The following DAB1 variants were observed in gnomAD, a reference collection of about 807,000 sequenced individuals.
The protein encoded by DAB1 is disabled homolog 1.
In DAB1, 15 loss-of-function variants were observed where a neutral mutation model predicts 64.6. The observed-to-expected ratio is 0.23, with a 90% CI of 0.16 to 0.36. The LOEUF (loss-of-function observed/expected upper bound fraction) is 0.36, where lower values mean the gene tolerates loss of function less well. Among genes scored for constraint, DAB1 ranks in the 10% least tolerant of loss-of-function variants. The pLI is 1.00. For synonymous variants in DAB1, 235 were observed against 251.9 expected (o/e 0.93, Z 0.64); for missense variants, 596 against 706.7 (o/e 0.84, Z 1.78).
intron 2 of DAB1, among the ~76,000 whole-genome samples, chr1:57,182,884 A>G (rs1663127575): frequency 6.6e-6 from 1 of 152,196 alleles, no homozygotes; most frequent in African/African-American, 2.4e-5. Context: ...ACTAGTACAT[A>G]TGGCTATTTA....
intron 7 of DAB1, among the ~76,000 whole-genome samples, chr1:57,445,600 A>C (rs1375393327): frequency 1.3e-5 from 2 of 152,222 alleles, no homozygotes; most frequent in Non-Finnish European, 2.9e-5. Flanking sequence ...ATTGTAAGAT[A>C]AAAAATTTTA....
intron 2 of DAB1, among the ~76,000 whole-genome samples, chr1:57,269,979 C>T (rs998063653): frequency 6.6e-6 from 1 of 152,162 alleles, no homozygotes; most frequent in African/African-American, 2.4e-5. Context: ...GAACAGCTTG[C>T]TAGGTGAACG....
At chr1:58,031,693 C>A (rs974310436) in intron 5 of DAB1, among the ~76,000 whole-genome samples, 13 of 152,100 alleles carry the variant, frequency 8.5e-5, no homozygotes, top group Non-Finnish European at 1.8e-4. Flanking sequence ...CAGATACATG[C>A]GAATAACAAA....
At chr1:57,179,362 C>T (rs1368118267) in intron 2 of DAB1, among the ~76,000 whole-genome samples, 2 of 152,218 alleles carry the variant, frequency 1.3e-5, no homozygotes, top group Admixed American at 1.3e-4. Context: ...CAAAGGGCTA[C>T]ATCCAAACCT....
intron 7 of DAB1, among the ~76,000 whole-genome samples, chr1:57,481,452 T>C (rs1644018055): frequency 2.0e-5 from 3 of 152,196 alleles, no homozygotes; most frequent in Non-Finnish European, 1.5e-5. Flanking sequence ...GACCCTAAAC[T>C]GTAGCAGAGA....
intron 7 of DAB1, among the ~76,000 whole-genome samples, chr1:57,474,832 T>C (rs1643914579): frequency 6.6e-6 from 1 of 152,164 alleles, no homozygotes; most frequent in South Asian, 2.1e-4. Flanking sequence ...ACATGTATTA[T>C]AGTGATGTCA....
rs899185613 is a variant in DAB1, at chr1:57,618,143, G to C, written n.625+31449C>G. Among the ~76,000 whole-genome samples, 10 of 152,242 alleles carry C rather than the reference G, an allele frequency of 6.6e-5. No individual in the cohort carries two copies. The East Asian group carries it at 1.5e-3, about 24-fold the overall frequency. ...ACTAAAGGAGAAGAAGACTGGGCGC[G>C]GTGGCTCACGCCTGTAATCCCAGCA... On this transcript the variant is annotated intron_variant and non_coding_transcript_variant, in intron 7 of 20. Transcript: ENST00000485760.
intron 5 of DAB1, among the ~76,000 whole-genome samples, chr1:57,924,628 T>TA (rs1644854376): frequency 8.6e-6 from 1 of 115,872 alleles, no homozygotes; most frequent in Non-Finnish European, 1.8e-5. Flanking sequence ...CTTGGCTAAT[T>TA]TTTTTTTTTT....
In DAB1 at chr1:57,011,149, T is replaced by C; in HGVS notation, c.1568A>G (p.Glu523Gly). ...FESPSKSEEQ[E>G]APDGSQASSN... is the part of the protein sequence containing the mutation. The stretch of plus-strand genomic sequence containing the variant: ...AATAACAAACTGGTCACTTACAGCT[T>C]CTTGCTCTTCGCTTTTGCTGGGACT... Residue 523 changes from glutamate to glycine, a missense_variant, in exon 13 of 15, where the codon GAA becomes GGA. By Grantham distance (98) the Glu-to-Gly change is moderately conservative (BLOSUM62 -2). Coordinates refer to ENST00000371236, the MANE Select transcript of DAB1 (RefSeq NM_001365792.1). 6.2e-7 allele frequency: 1 copy of C among 1,614,046 alleles called. No individual in the cohort carries two copies. The highest frequency in any genetic ancestry group is 1.1e-5 in the South Asian group (1 of 91,078).
chr1:58,497,761 A>G lies in DAB1; in HGVS notation n.257+8299T>C, dbSNP rs189525677. 5.9e-5 allele frequency among the ~76,000 whole-genome samples: 9 copies of G among 152,308 alleles called. No individual in the cohort carries two copies. The East Asian group carries it at 1.5e-3, about 26-fold the overall frequency. The stretch of plus-strand genomic sequence containing the variant: ...TATCAACAAAGAAGGTACAATCTAC[A>G]TAACAAACCTTACCCTTGCTCACTG... On this transcript the variant is annotated intron_variant and non_coding_transcript_variant, in intron 3 of 20. Coordinates refer to the DAB1 transcript ENST00000485760.
intron 5 of DAB1, among the ~76,000 whole-genome samples, chr1:58,068,277 C>T (rs1213700856): frequency 1.3e-5 from 2 of 152,194 alleles, no homozygotes; most frequent in Non-Finnish European, 2.9e-5. Context: ...GCATCTCTAT[C>T]GTTCTGAGGT....
intron 2 of DAB1, among the ~76,000 whole-genome samples, chr1:57,247,111 T>C (rs564130506): frequency 1.3e-5 from 2 of 152,262 alleles, no homozygotes; most frequent in South Asian, 4.1e-4. Flanking sequence ...TGATTAGTTT[T>C]GAAATGTGAG....
intron 2 of DAB1, among the ~76,000 whole-genome samples, chr1:57,220,883 C>G (rs1165394260): frequency 1.3e-5 from 2 of 152,170 alleles, no homozygotes; most frequent in African/African-American, 4.8e-5. Flanking sequence ...TTGACCCAGC[C>G]ATCCCATTAC....
intron 5 of DAB1, among the ~76,000 whole-genome samples, chr1:57,923,741 A>AT (rs2102026650): frequency 6.6e-6 from 1 of 152,362 alleles, no homozygotes; most frequent in Admixed American, 6.5e-5. Flanking sequence ...GTCTTTATGA[A>AT]GACTTTGTAG....
intron 5 of DAB1, among the ~76,000 whole-genome samples, chr1:58,058,833 C>G (rs3753508): frequency 0.14 from 21,541 of 152,222 alleles, 1,693 homozygotes; most frequent in East Asian, 0.31. Context: ...CTCACACATT[C>G]ATTGAACTAT....
At chr1:57,051,315 G>A (rs1307989459) in intron 9 of DAB1, among the ~76,000 whole-genome samples, 1 of 152,142 alleles carries the variant, frequency 6.6e-6, no homozygotes, top group South Asian at 2.1e-4. Flanking sequence ...TGCTTAATGA[G>A]GAAGTGAAAT....
chr1:58,422,602 A>ATTT (rs36063995), intron 3 of DAB1, among the ~76,000 whole-genome samples: 2 of 128,224 alleles, frequency 1.6e-5, no homozygotes, highest in Non-Finnish European at 1.6e-5. Context: ...CAGGAGGCAA[A>ATTT]TTTTTTTTTT....
At chr1:58,494,987 C>G (rs1365883755) in intron 3 of DAB1, among the ~76,000 whole-genome samples, 2 of 152,132 alleles carry the variant, frequency 1.3e-5, no homozygotes, top group Admixed American at 6.5e-5. Flanking sequence ...TATTGCAGCA[C>G]TATTCACAAT....
At chr1:58,343,380 A>T (rs892332726) in exon 4 of DAB1, 1 of 152,188 alleles carries the variant, frequency 6.6e-6, no homozygotes, top group Non-Finnish European at 1.5e-5. Flanking sequence ...AATGGTTTTC[A>T]GGGGCATTCA....
Sources: gnomAD v4.1 joint callset for allele counts (sites outside exome capture counted in the v4.1 genomes callset) on GRCh38, gnomAD v4.1.1 for gene constraint, MANE v1.5 for transcripts, NCBI Gene and HGNC (gene_info 2026-07-23, HGNC 2026-07-21) for gene names.